Variants in PCDH15 observed in about 807,000 individuals in gnomAD.
The protein encoded by PCDH15 is protocadherin related 15.
PCDH15 carries 129 observed loss-of-function variants against 178.5 expected under a neutral mutation model. The observed-to-expected ratio is 0.72, with a 90% CI of 0.63 to 0.84. The LOEUF is 0.84. Among genes scored for constraint, PCDH15 ranks in the 40% least tolerant of loss-of-function variants. The pLI, the probability that PCDH15 is intolerant of heterozygous loss-of-function variation, is 0.00. For synonymous variants in PCDH15, 800 were observed against 732.0 expected (o/e 1.09, Z -1.50); for missense variants, 2,230 against 2,099.9 (o/e 1.06, Z -1.21).
intron 2 of PCDH15, among the ~76,000 whole-genome samples, chr10:55,139,529 C>T (rs1211845631): frequency 1.3e-5 from 2 of 152,082 alleles, no homozygotes; most frequent in African/African-American, 4.8e-5. Flanking sequence ...AATGTTTCCA[C>T]ACCATTTGTT....
chr10:55,566,630 C>A (rs1223023708), intron 2 of PCDH15, among the ~76,000 whole-genome samples: 1 of 151,502 alleles, frequency 6.6e-6, no homozygotes, highest in Non-Finnish European at 1.5e-5. Flanking sequence ...AAGTGCATAT[C>A]TATACAATAA....
chr10:54,865,852 T>A (rs1953930072), intron 3 of PCDH15, among the ~76,000 whole-genome samples: 1 of 152,174 alleles, frequency 6.6e-6, no homozygotes, highest in Admixed American at 6.5e-5. Context: ...AGAAGAAAAT[T>A]CAGAGTTATT....
chr10:54,976,903 G>A (rs1033456579), intron 2 of PCDH15, among the ~76,000 whole-genome samples: 1 of 152,136 alleles, frequency 6.6e-6, no homozygotes, highest in Non-Finnish European at 1.5e-5. Context: ...CCCTTAGTTA[G>A]TTTGGTCTAC....
At chr10:55,315,877 G>A (rs1360252429) in intron 1 of PCDH15, among the ~76,000 whole-genome samples, 7 of 151,966 alleles carry the variant, frequency 4.6e-5, no homozygotes, top group Admixed American at 1.3e-4. Flanking sequence ...TTTGCCAGGC[G>A]TGGTGGTGCA....
chr10:54,498,631 G>A (rs1359433486), intron 3 of PCDH15, among the ~76,000 whole-genome samples: 1 of 152,002 alleles, frequency 6.6e-6, no homozygotes, highest in Non-Finnish European at 1.5e-5. Flanking sequence ...GAGGCAAAGG[G>A]TCCTATTCTT....
intron 2 of PCDH15, among the ~76,000 whole-genome samples, chr10:55,507,302 G>C (rs1303028756): frequency 1.3e-5 from 2 of 151,290 alleles, no homozygotes; most frequent in African/African-American, 2.4e-5. Context: ...ATTCTTGGGA[G>C]GTAAGTGGCT....
chr10:54,175,420 G>A (rs2047342108), intron 13 of PCDH15, among the ~76,000 whole-genome samples: 1 of 152,168 alleles, frequency 6.6e-6, no homozygotes, highest in Admixed American at 6.5e-5. Flanking sequence ...ACACTCAGAA[G>A]TATATACAGA....
At chr10:54,697,674 G>GGA (rs1189909816) in intron 1 of PCDH15, among the ~76,000 whole-genome samples, 3 of 123,284 alleles carry the variant, frequency 2.4e-5, no homozygotes, top group Non-Finnish European at 3.3e-5. Context: ...AAGGGGGAAG[G>GGA]GGAAGGGAGG....
intron 5 of PCDH15, among the ~76,000 whole-genome samples, chr10:54,360,204 A>T (rs1945777656): frequency 6.6e-6 from 1 of 152,036 alleles, no homozygotes; most frequent in African/African-American, 2.4e-5. Flanking sequence ...GAGATGCCAG[A>T]CCGCTTACCT....
intron 20 of PCDH15, among the ~76,000 whole-genome samples, chr10:53,996,596 G>A (rs2091861775): frequency 6.6e-6 from 1 of 152,036 alleles, no homozygotes; most frequent in Non-Finnish European, 1.5e-5. Flanking sequence ...TCTGCAGAAA[G>A]GCTAGTAACT....
intron 3 of PCDH15, among the ~76,000 whole-genome samples, chr10:54,894,751 A>G (rs1591768100): frequency 7.1e-6 from 1 of 140,066 alleles, no homozygotes; most frequent in African/African-American, 3.3e-5. Context: ...ACAAAAATAG[A>G]AGAGAGAGAA....
chr10:55,402,440 T>A (rs1838093658), intron 2 of PCDH15, among the ~76,000 whole-genome samples: 1 of 151,942 alleles, frequency 6.6e-6, no homozygotes, highest in Admixed American at 6.6e-5. Flanking sequence ...GTCACCATAT[T>A]GTGCAATGGA....
At chr10:54,449,132 ACTCACTTGGGC>A in intron 3 of PCDH15, among the ~76,000 whole-genome samples, 1 of 151,472 alleles carries the variant, frequency 6.6e-6, no homozygotes, top group Non-Finnish European at 1.5e-5. Context: ...AGGGTAAGGG[ACTCACTTGGGC>A]CCAACCCTTA....
intron 2 of PCDH15, among the ~76,000 whole-genome samples, chr10:55,411,071 T>C (rs750561036): frequency 6.6e-6 from 1 of 152,084 alleles, no homozygotes; most frequent in Non-Finnish European, 1.5e-5. Context: ...AAAATAAGAT[T>C]AAAGAAATGA....
intron 1 of PCDH15, among the ~76,000 whole-genome samples, chr10:54,680,080 T>G (rs2094870978): frequency 6.6e-6 from 1 of 152,218 alleles, no homozygotes. Context: ...TTACAGATTT[T>G]GCTCATTTGT....
chr10:54,438,361 G>C (rs1360406706), intron 3 of PCDH15, among the ~76,000 whole-genome samples: 1 of 135,248 alleles, frequency 7.4e-6, no homozygotes, highest in Non-Finnish European at 1.5e-5. Context: ...GAGTGAATTT[G>C]TAAGTTCTTT....
chr10:54,496,814 C>T (rs2080160312), intron 3 of PCDH15, among the ~76,000 whole-genome samples: 1 of 152,042 alleles, frequency 6.6e-6, no homozygotes, highest in Non-Finnish European at 1.5e-5. Flanking sequence ...CTATGAAATG[C>T]AGTCACTTAT....
At chr10:55,520,844 A>G (rs1276491560) in intron 2 of PCDH15, among the ~76,000 whole-genome samples, 1 of 151,966 alleles carries the variant, frequency 6.6e-6, no homozygotes, top group Non-Finnish European at 1.5e-5. Context: ...ATGTGTATAT[A>G]TTTAAGGTGT....
chr10:54,770,428 T>C (rs1948965344), intron 1 of PCDH15, among the ~76,000 whole-genome samples: 1 of 152,142 alleles, frequency 6.6e-6, no homozygotes, highest in African/African-American at 2.4e-5. Context: ...TTCTCATGAA[T>C]GATATTAAAC....
Sources: allele counts gnomAD v4.1 joint callset (sites outside exome capture counted in the v4.1 genomes callset), GRCh38; gene constraint gnomAD v4.1.1; transcripts MANE v1.5; gene names NCBI Gene and HGNC (gene_info 2026-07-23, HGNC 2026-07-21).